CPXM2: variants seen among roughly 807,000 people sequenced by gnomAD.
CPXM2 encodes the protein carboxypeptidase X, M14 family member 2.
CPXM2 carries 66 observed loss-of-function variants against 86.1 expected under a neutral mutation model. The observed-to-expected ratio is 0.77, with a 90% CI of 0.63 to 0.94. The LOEUF (loss-of-function observed/expected upper bound fraction) is 0.94, where lower values mean the gene tolerates loss of function less well. CPXM2 is among the 40% of genes least tolerant of loss of function. The pLI, the probability that CPXM2 is intolerant of heterozygous loss-of-function variation, is 0.00. For synonymous variants in CPXM2, 388 were observed against 400.2 expected, an observed-to-expected ratio of 0.97 and a Z score of 0.36; for missense variants, 948 against 1,026.3, an observed-to-expected ratio of 0.92 and a Z score of 1.04.
At chr10:123,923,953 C>A (rs1368643689) in intron 2 of CPXM2, among the ~76,000 whole-genome samples, 1 of 152,188 alleles carries the variant, frequency 6.6e-6, no homozygotes, top group African/African-American at 2.4e-5. Context: ...AAATCACAGT[C>A]TCAGGTATGT....
chr10:123,798,244 C>T (rs1325330564), intron 5 of CPXM2, 118 bp from the exon 6 acceptor site: 2 of 508,338 alleles, frequency 3.9e-6, no homozygotes, highest in African/African-American at 2.6e-5. Context: ...GTGTGCTGTG[C>T]ATTGAAAAGA....
intron 1 of CPXM2, among the ~76,000 whole-genome samples, chr10:123,889,076 C>A (rs1360460195): frequency 1.3e-5 from 2 of 152,222 alleles, no homozygotes; most frequent in African/African-American, 2.4e-5. Context: ...ACTCTGATTT[C>A]TCCTCCAGAG....
chr10:123,784,200 G>A (rs137862449), intron 6 of CPXM2, among the ~76,000 whole-genome samples: 1 of 152,166 alleles, frequency 6.6e-6, no homozygotes, highest in Non-Finnish European at 1.5e-5. Flanking sequence ...GGAACACCAG[G>A]TGAGTGAAGG....
At chr10:123,835,898 G>A (rs1307448132) in intron 4 of CPXM2, among the ~76,000 whole-genome samples, 1 of 152,192 alleles carries the variant, frequency 6.6e-6, no homozygotes. Context: ...GGAAGAGAAA[G>A]GGTGGACTTG....
chr10:123,759,845 A>G (rs1332288063), intron 11 of CPXM2, among the ~76,000 whole-genome samples: 2 of 151,908 alleles, frequency 1.3e-5, no homozygotes, highest in Admixed American at 6.6e-5. Flanking sequence ...AAGCACACAC[A>G]CTCCAAACAA....
intron 2 of CPXM2, among the ~76,000 whole-genome samples, chr10:123,905,693 G>A (rs1018286498): frequency 6.6e-6 from 1 of 151,942 alleles, no homozygotes; most frequent in East Asian, 1.9e-4. Context: ...CCCTATTCAC[G>A]AAGCCGTCTC....
Position 123,771,032 on chromosome 10 carries a change from T to G in CPXM2, c.986A>C (p.Lys329Thr), listed in dbSNP as rs1189681043. The change falls in exon 8 of 14, where the codon AAA (lysine) becomes ACA (threonine). Residue 329 changes from lysine (K) to threonine (T), a missense_variant. By Grantham distance (78) the Lys-to-Thr change is moderately conservative. Coordinates refer to ENST00000241305, the MANE Select transcript of CPXM2 (RefSeq NM_198148.3). ...ATTGGGACACATTTCATTCACAACT[T>G]TCATCAACTGAAAAACAAGGTGAAT... ...HNYKEMRQLM[K>T]VVNEMCPNIT... is the part of the protein sequence containing the mutation. 2 of 1,612,820 alleles carry G rather than the reference T, an allele frequency of 1.2e-6. No individual in the cohort carries two copies. Among genetic ancestry groups the G allele is most frequent in the Non-Finnish European group, 1.7e-6 (2 of 1,179,452 alleles).
At chr10:123,807,516 CTT>C (rs1445234015) in intron 4 of CPXM2, among the ~76,000 whole-genome samples, 1 of 152,088 alleles carries the variant, frequency 6.6e-6, no homozygotes, top group Non-Finnish European at 1.5e-5. Flanking sequence ...ACAAAGGTAA[CTT>C]ATACAACATT....
At chr10:123,852,428 C>T (rs1157070275) in intron 3 of CPXM2, among the ~76,000 whole-genome samples, 1 of 152,214 alleles carries the variant, frequency 6.6e-6, no homozygotes, top group African/African-American at 2.4e-5. Context: ...TCCATCACGC[C>T]TATCTTGGCT....
intron 13 of CPXM2, among the ~76,000 whole-genome samples, chr10:123,753,270 C>A (rs1384402681): frequency 6.6e-6 from 1 of 152,186 alleles, no homozygotes; most frequent in African/African-American, 2.4e-5. Context: ...GGGAGTGGGA[C>A]ACAGCATTTT....
intron 7 of CPXM2, among the ~76,000 whole-genome samples, chr10:123,776,321 G>C (rs1846786917): frequency 6.6e-6 from 1 of 152,074 alleles, no homozygotes; most frequent in Non-Finnish European, 1.5e-5. Context: ...CAAGACTCTT[G>C]GTCTCTTCAA....
chr10:123,871,003 G>A (rs1416383398), intron 2 of CPXM2, among the ~76,000 whole-genome samples: 1 of 152,180 alleles, frequency 6.6e-6, no homozygotes, highest in African/African-American at 2.4e-5. Flanking sequence ...GGATCCAACA[G>A]AGGACACTCT....
In CPXM2 at chr10:123,800,297, TCTC is replaced by T. The variant is rs1847430598; in HGVS notation, c.654-1101_654-1099del. ...ACCCTCATCTCACACCTTCTCTTCT[TCTC>T]CTCTCTCCTCCCCACCAGCTCTGTC... On this transcript the variant is annotated intron_variant, in intron 4 of 13. Transcript: ENST00000241305. Among the ~76,000 whole-genome samples, 2 of 152,072 alleles carry T rather than the reference TCTC, an allele frequency of 1.3e-5. 1 individual carries two copies. The highest frequency in any genetic ancestry group is 4.1e-4 in the South Asian group (2 of 4,822).
At chr10:123,878,117 G>A (rs768634050) in intron 2 of CPXM2, among the ~76,000 whole-genome samples, 13 of 152,014 alleles carry the variant, frequency 8.6e-5, no homozygotes, top group East Asian at 3.9e-4. Flanking sequence ...GAGAATGCCC[G>A]GTTCTGCATT....
chr10:123,766,265 C>T (rs576899563), intron 10 of CPXM2, among the ~76,000 whole-genome samples: 28 of 152,276 alleles, frequency 1.8e-4, no homozygotes, highest in East Asian at 5.8e-4. Flanking sequence ...CTACTTGGCA[C>T]GCCCTTGGCT....
At chr10:123,845,931 A>G (rs1848485709) in intron 3 of CPXM2, among the ~76,000 whole-genome samples, 1 of 152,224 alleles carries the variant, frequency 6.6e-6, no homozygotes. Flanking sequence ...GGTGCTTTCA[A>G]AGTTCAAAAG....
At chr10:123,770,320 C>A (rs1036069436) in intron 8 of CPXM2, among the ~76,000 whole-genome samples, 4 of 152,006 alleles carry the variant, frequency 2.6e-5, no homozygotes, top group Non-Finnish European at 4.4e-5. Flanking sequence ...ACAAAAAAAA[C>A]CACTTCCGGA....
intron 3 of CPXM2, among the ~76,000 whole-genome samples, chr10:123,845,664 A>G (rs895721001): frequency 1.3e-5 from 2 of 152,166 alleles, no homozygotes; most frequent in South Asian, 4.1e-4. Context: ...TTAGGGGGAA[A>G]AAAACGACCA....
At chr10:123,906,679 A>G (rs1945444538) in intron 2 of CPXM2, among the ~76,000 whole-genome samples, 2 of 152,230 alleles carry the variant, frequency 1.3e-5, no homozygotes, top group African/African-American at 4.8e-5. Context: ...TGTGCCCTGA[A>G]GACCCCCAAA....
Sources: allele counts gnomAD v4.1 joint callset (sites outside exome capture counted in the v4.1 genomes callset), GRCh38; gene constraint gnomAD v4.1.1; transcripts MANE v1.5; gene names NCBI Gene and HGNC (gene_info 2026-07-23, HGNC 2026-07-21).